The following ADCY1 variants were observed in gnomAD, a reference collection of about 807,000 sequenced individuals.
The protein encoded by ADCY1 is adenylate cyclase type 1.
In ADCY1, 28 loss-of-function variants were observed where a neutral mutation model predicts 105.4. The observed-to-expected ratio is 0.27, with a 90% CI of 0.20 to 0.36. The LOEUF is 0.36. Among genes scored for constraint, ADCY1 ranks in the 10% least tolerant of loss-of-function variants. The pLI is 1.00. For missense variants in ADCY1, 977 were observed against 1,434.2 expected (o/e 0.68, Z 5.15); for synonymous variants, 655 against 623.8 (o/e 1.05, Z -0.75).
chr7:45,718,007 A>G lies in ADCY1; in HGVS notation c.*4012A>G, dbSNP rs1275840753. On this transcript the variant is annotated 3_prime_UTR_variant, in exon 20 of 20. Coordinates refer to ENST00000297323, the MANE Select transcript of ADCY1 (RefSeq NM_021116.4). ...TGGGAGGCGGGGAGCTGCCACTCCC[A>G]AAGCCTCCACCCCTTCCTGAAGACC... 1 of 152,414 alleles carries G rather than the reference A, an allele frequency of 6.6e-6. No individual in the cohort carries two copies. The highest frequency in any genetic ancestry group is 6.5e-5 in the Admixed American group (1 of 15,276). The allele number at this position is 152,414 out of a possible 1,614,324, so 9.4% of individuals were successfully genotyped here. A position where few individuals can be genotyped will look rare whatever the true frequency, so the allele number is the denominator to read the frequency against.
chr7:45,641,417 A>C (rs1364775229), intron 4 of ADCY1, among the ~76,000 whole-genome samples: 1 of 152,134 alleles, frequency 6.6e-6, no homozygotes, highest in Non-Finnish European at 1.5e-5. Context: ...TAGCTCCAAC[A>C]ATTGTTAATG....
chr7:45,718,769 A>T lies in ADCY1; in HGVS notation c.*4774A>T, dbSNP rs1785407061. 2 of 152,458 alleles carry T rather than the reference A, an allele frequency of 1.3e-5. No homozygotes were observed. Among genetic ancestry groups the T allele is most frequent in the Admixed American group, 1.3e-4 (2 of 15,294 alleles). The allele number at this position is 152,458 out of a possible 1,614,324, so 9.4% of individuals were successfully genotyped here. ...AGCCTGGGGGGAGGGGCTGGAGCCA[A>T]GGAGCCCCCCTGGGTGGGGGCATCA... is the stretch of plus-strand genomic sequence containing the variant. On this transcript the variant is annotated 3_prime_UTR_variant, in exon 20 of 20. Coordinates refer to ENST00000297323, the MANE Select transcript of ADCY1 (RefSeq NM_021116.4).
intron 1 of ADCY1, among the ~76,000 whole-genome samples, chr7:45,587,579 A>G (rs1792768894): frequency 6.6e-6 from 1 of 152,126 alleles, no homozygotes; most frequent in Admixed American, 6.5e-5. Flanking sequence ...AAGGACAGGT[A>G]CCTGGGGATG....
intron 8 of ADCY1, 83 bp from the exon 9 acceptor site, chr7:45,677,786 T>A: frequency 7.0e-7 from 1 of 1,430,704 alleles, no homozygotes; most frequent in Non-Finnish European, 9.5e-7. Flanking sequence ...CTGCAGCGGA[T>A]CTGGCTGGAG....
Position 45,574,965 on chromosome 7 carries a change from C to T in ADCY1, c.422C>T (p.Ala141Val). 3 of 1,611,324 alleles carry T rather than the reference C, an allele frequency of 1.9e-6. No individual in the cohort carries two copies. Among genetic ancestry groups the T allele is most frequent in the East Asian group, 2.2e-5 (1 of 44,818 alleles). ...TTCGCGCTGCTCTGCTGTCCTTTCG[C>T]GCTGGGCGGCCCCGCCCGGGGTTCC... ...LTFALLCCPF[A>V]LGGPARGSAG... The change falls in exon 1 of 20, where the codon GCG becomes GTG. Residue 141 changes from alanine (A) to valine (V), a missense_variant. Around this residue, in one of 7 missense-constraint regions of ADCY1, gnomAD observed 209 missense variants for 222.5 expected, o/e 0.94. Transcript: ENST00000297323. The surrounding 1 kb of genome is among the most constrained non-coding windows in gnomAD (Gnocchi z 7.0).
Position 45,722,461 on chromosome 7 carries a change from T to G in ADCY1, c.*8466T>G, listed in dbSNP as rs2116312505. 1 of 152,230 alleles carries G rather than the reference T, an allele frequency of 6.6e-6. No individual in the cohort carries two copies. Among genetic ancestry groups the G allele is most frequent in the Middle Eastern group, 3.4e-3 (1 of 294 alleles). 9.4% of individuals were successfully genotyped at this position (152,230 alleles called of 1,614,324 possible). The stretch of plus-strand genomic sequence containing the variant: ...GCCTGAGCTTTGTGTAGCTCGAGCT[T>G]TGTGTAGCTCGTGCACTTATTATGC... On this transcript the variant is annotated 3_prime_UTR_variant, in exon 20 of 20. Transcript: ENST00000297323.
rs752244442 is a variant in ADCY1 at position 45,678,216 on chromosome 7, C to T, written c.1851C>T (p.Leu617=). 7 of 1,614,248 alleles carry T rather than the reference C, an allele frequency of 4.3e-6. No individual in the cohort carries two copies. The highest frequency in any genetic ancestry group is 2.2e-5 in the South Asian group (2 of 91,078). The change falls in exon 10 of 20, where the codon CTC becomes CTT. Residue 617 remains leucine (L), a synonymous_variant. Transcript: ENST00000297323. ...TCACCAGCGCCGTTGTCCTCACCCT[C>T]ATCCTGGCTGCCTTATTTGGCCTTG... ...EYFTSAVVLT[L]ILAALFGLVY...
chr7:45,599,563 G>A (rs1009212539), intron 2 of ADCY1, among the ~76,000 whole-genome samples: 2 of 151,558 alleles, frequency 1.3e-5, no homozygotes, highest in East Asian at 1.9e-4. Context: ...CTTGGTCTGT[G>A]GGAGGCTCTG....
chr7:45,667,779 A>G (rs151207983), intron 8 of ADCY1, among the ~76,000 whole-genome samples: 91,448 of 152,014 alleles, frequency 0.6, 30,120 homozygotes, highest in South Asian at 0.73. Flanking sequence ...ATGTTCTTCC[A>G]TTTGTTTGTA....
chr7:45,669,575 G>A (rs912968286), intron 8 of ADCY1, among the ~76,000 whole-genome samples: 4 of 152,320 alleles, frequency 2.6e-5, no homozygotes, highest in African/African-American at 7.2e-5. Flanking sequence ...TGGAATAGGT[G>A]TGGTGTGGTG....
intron 2 of ADCY1, among the ~76,000 whole-genome samples, chr7:45,608,460 G>C (rs1319984427): frequency 6.6e-6 from 1 of 152,192 alleles, no homozygotes; most frequent in Non-Finnish European, 1.5e-5. Context: ...GGTCTCTCTT[G>C]TCAGGCCAGC....
At position 45,677,977 on chromosome 7, in the gene ADCY1, C is replaced by T. The variant is rs1176231507; in HGVS notation, c.1714C>T (p.Leu572Phe). Reference sequence around the variant, plus strand: ...TCGCGTCAACAGGTACATCAGCCGCCTCTTAGAAGCCCGCCAGACAGAGCT... The same window carrying T: ...TCGCGTCAACAGGTACATCAGCCGCTTCTTAGAAGCCCGCCAGACAGAGCT... Reference protein sequence around the residue: ...GTRVNRYISRLLEARQTELEM... With the variant: ...GTRVNRYISRFLEARQTELEM... Residue 572 changes from leucine (L) to phenylalanine (F), a missense_variant, in exon 9 of 20, where the codon CTC becomes TTC. By Grantham distance (22) the Leu-to-Phe change is conservative. Transcript: ENST00000297323. 9.9e-6 allele frequency: 16 copies of T among 1,614,186 alleles called. No individual in the cohort carries two copies. The highest frequency in any genetic ancestry group is 1.4e-5 in the Non-Finnish European group (16 of 1,180,028).
At chr7:45,604,215 T>C (rs1286609056) in intron 2 of ADCY1, among the ~76,000 whole-genome samples, 1 of 152,232 alleles carries the variant, frequency 6.6e-6, no homozygotes, top group Non-Finnish European at 1.5e-5. Context: ...TTTTTTAAAC[T>C]GCTGGGCTTT....
At chr7:45,632,375 G>T (rs1794281219) in intron 4 of ADCY1, among the ~76,000 whole-genome samples, 1 of 152,156 alleles carries the variant, frequency 6.6e-6, no homozygotes. Flanking sequence ...GTGGAATTTT[G>T]TTTGGGATTT....
At chr7:45,709,204 T>G (rs1785178717) in intron 18 of ADCY1, among the ~76,000 whole-genome samples, 1 of 152,156 alleles carries the variant, frequency 6.6e-6, no homozygotes, top group Non-Finnish European at 1.5e-5. Context: ...GCTTTAGGCA[T>G]GGTGTCTGGG....
Position 45,575,253 on chromosome 7 carries a change from G to T in ADCY1, c.639+71G>T. 6.7e-7 allele frequency: 1 copy of T among 1,500,310 alleles called. No individual in the cohort carries two copies. The highest frequency in any genetic ancestry group is 2.3e-5 in the Admixed American group (1 of 44,242). The allele number at this position is 1,500,310 out of a possible 1,614,324, so 92.9% of individuals were successfully genotyped here. On this transcript the variant is annotated intron_variant, in intron 1 of 19. Coordinates refer to ENST00000297323, the MANE Select transcript of ADCY1 (RefSeq NM_021116.4). This position sits in a 1 kb window ranked among gnomAD's most constrained non-coding sequence, Gnocchi z 4.7. ...TGGGACGATGCTGGGAATGCCCGGA[G>T]TCGGGCGCGCTTTTTCCTATGCGGC...
In ADCY1 at chr7:45,685,094, C is replaced by T. The variant is rs374102826; in HGVS notation, c.2073+26C>T. On this transcript the variant is annotated intron_variant, in intron 12 of 19. Coordinates refer to ENST00000297323, the MANE Select transcript of ADCY1 (RefSeq NM_021116.4). ...GTGAGCATCTCCAGCTTGTGGCATG[C>T]GCTGGGGCGGGAGAGGGCATGGCAT... 456 of 1,598,810 alleles carry T rather than the reference C, an allele frequency of 2.9e-4. 2 individuals are homozygous for T. Among genetic ancestry groups the T allele is most frequent in the African/African-American group, 2.1e-3 (154 of 74,726 alleles).
At chr7:45,579,520 T>C (rs2877339) in intron 1 of ADCY1, among the ~76,000 whole-genome samples, 68,851 of 151,888 alleles carry the variant, frequency 0.45, 16,034 homozygotes, top group East Asian at 0.69. Context: ...CCCGCTTATC[T>C]TCGTGGCCTG....
intron 2 of ADCY1, among the ~76,000 whole-genome samples, chr7:45,599,752 G>A (rs546748259): frequency 2.0e-5 from 3 of 151,706 alleles, no homozygotes; most frequent in East Asian, 3.9e-4. Flanking sequence ...TCAGCCTCCC[G>A]AGTAGCTGGA....
Sources: gnomAD v4.1 joint callset for allele counts (sites outside exome capture counted in the v4.1 genomes callset) on GRCh38, gnomAD v4.1.1 for gene constraint, gnomAD v4.1.1 regional missense constraint, Gnocchi (gnomAD v3.1) non-coding constraint, MANE v1.5 for transcripts, NCBI Gene and HGNC (gene_info 2026-07-23, HGNC 2026-07-21) for gene names.